HLA-DQA1: variants seen among roughly 807,000 people sequenced by gnomAD.
HLA-DQA1 encodes the protein HLA class II histocompatibility antigen, DQ alpha 1 chain.
HLA-DQA1 carries 10 observed loss-of-function variants against 20.7 expected under a neutral mutation model. That is an observed-to-expected ratio of 0.48 (90% CI 0.30 to 0.82). HLA-DQA1 has a LOEUF of 0.82. Ranked by LOEUF, HLA-DQA1 falls within the 40% of genes least tolerant of loss-of-function variation. HLA-DQA1 has a pLI of 0.07. For synonymous variants in HLA-DQA1, 39 were observed against 109.2 expected, an observed-to-expected ratio of 0.36 and a Z score of 4.01; for missense variants, 127 against 293.0, an observed-to-expected ratio of 0.43 and a Z score of 4.14.
Position 32,641,588 on chromosome 6 carries a change from C to T in HLA-DQA1, c.331+30C>T, listed in dbSNP as rs769772919. 5 of 934,964 alleles carry T rather than the reference C, an allele frequency of 5.3e-6. 2 individuals are homozygous for T. Among genetic ancestry groups the T allele is most frequent in the Non-Finnish European group, 7.4e-6 (5 of 673,854 alleles). 57.9% of individuals were successfully genotyped at this position (934,964 alleles called of 1,614,324 possible). A position where few individuals can be genotyped will look rare whatever the true frequency, so the allele number is the denominator to read the frequency against. ...GCGTCCACCATTCTGCCTCTCTTTA[C>T]TTAAGTTATCCCTCCATACCAGGGT... On this transcript the variant is annotated intron_variant, in intron 2 of 4. Transcript: ENST00000343139.
In HLA-DQA1 at chr6:32,642,172, A is replaced by G. The variant is rs757353300; in HGVS notation, c.532A>G (p.Thr178Ala). Residue 178 changes from threonine to alanine, a missense_variant, in exon 3 of 5, where the codon ACC becomes GCC. Physicochemically the swap from Thr to Ala is moderately conservative, Grantham distance 58 (BLOSUM62 0). This residue lies in a region of HLA-DQA1 where 46 missense variants were observed against 152.1 expected (regional missense o/e 0.30). Coordinates refer to ENST00000343139, the MANE Select transcript of HLA-DQA1 (RefSeq NM_002122.5). ...TTCCTTCTTCAAGATCAGTTACCTCACCTTCCTCCCTTCTGCTGATGAGAT... is the reference window on the plus strand; with the variant it reads ...TTCCTTCTTCAAGATCAGTTACCTCGCCTTCCTCCCTTCTGCTGATGAGAT... ...DHSFFKISYL[T>A]FLPSADEIYD... 1.4e-6 allele frequency: 2 copies of G among 1,438,064 alleles called. No individual in the cohort carries two copies. The highest frequency in any genetic ancestry group is 3.3e-5 in the African/African-American group (2 of 60,252). The allele number at this position is 1,438,064 out of a possible 1,614,324, so 89.1% of individuals were successfully genotyped here. A position where few individuals can be genotyped will look rare whatever the true frequency, so the allele number is the denominator to read the frequency against.
the HLA-DQA1 span, among the ~76,000 whole-genome samples, chr6:32,654,647 T>C: frequency 1.0e-5 from 1 of 97,406 alleles, no homozygotes; most frequent in African/African-American, 3.5e-5. Flanking sequence ...CATTTTTTTC[T>C]ATGTATTTTC....
At chr6:32,650,888 T>TA (rs1782154488), downstream of HLA-DQA1, among the ~76,000 whole-genome samples, 1 of 37,540 alleles carries the variant, frequency 2.7e-5, no homozygotes, top group African/African-American at 8.2e-5. Flanking sequence ...ATAATAATAA[T>TA]AAAGAATTCT....
rs910483542 is a variant in HLA-DQA1, at chr6:32,643,224, T to A, written c.*293T>A. The A allele has an allele frequency of 1.2e-5, 4 of 344,730 alleles. No individual in the cohort carries two copies. Among genetic ancestry groups the A allele is most frequent in the Non-Finnish European group, 2.3e-5 (4 of 175,034 alleles). 21.4% of individuals were successfully genotyped at this position (344,730 alleles called of 1,614,324 possible). A position where few individuals can be genotyped will look rare whatever the true frequency, so the allele number is the denominator to read the frequency against. The stretch of plus-strand genomic sequence containing the variant: ...ACCTAATTCCTCAGTAACCTCCATC[T>A]AAAATCTCCAAGGAAGCAATAAATT... On this transcript the variant is annotated 3_prime_UTR_variant, in exon 5 of 5. Coordinates refer to ENST00000343139, the MANE Select transcript of HLA-DQA1 (RefSeq NM_002122.5).
chr6:32,651,319 C>A, downstream of HLA-DQA1, among the ~76,000 whole-genome samples: 1 of 73,438 alleles, frequency 1.4e-5, no homozygotes, highest in African/African-American at 4.7e-5. Flanking sequence ...GCGTGGTGGC[C>A]CAAGCCTGTA....
chr6:32,640,535 C>T lies in HLA-DQA1; in HGVS notation c.83-775C>T, dbSNP rs1376179975. On this transcript the variant is annotated intron_variant, in intron 1 of 4. Coordinates refer to ENST00000343139, the MANE Select transcript of HLA-DQA1 (RefSeq NM_002122.5). ...AAGTGTTGAGTCAGAATGCTGTAGA[C>T]ATTTAGTAATCTCCTTCACAGGAAA... Among the ~76,000 whole-genome samples the T allele has an allele frequency of 8.4e-5, 5 of 59,488 alleles. 2 individuals carry two copies. Among genetic ancestry groups the T allele is most frequent in the African/African-American group, 2.9e-4 (5 of 17,298 alleles). The allele number at this position is 59,488 out of a possible 152,430, so 39.0% of individuals were successfully genotyped here. A position where few individuals can be genotyped will look rare whatever the true frequency, so the allele number is the denominator to read the frequency against.
At chr6:32,654,034 T>C in the HLA-DQA1 span, among the ~76,000 whole-genome samples, 2 of 106,900 alleles carry the variant, frequency 1.9e-5, 1 homozygote, top group Non-Finnish European at 4.1e-5. Context: ...AAGGGCAGGT[T>C]GTGGTGGCTC....
the HLA-DQA1 span, among the ~76,000 whole-genome samples, chr6:32,652,884 T>G: frequency 0.56 from 81,977 of 145,998 alleles, 24,027 homozygotes; most frequent in Middle Eastern, 0.69. Context: ...TTAGAAACTG[T>G]ATTATTATTC....
At chr6:32,645,925 CCA>C (rs67297805), downstream of HLA-DQA1, 208 of 75,484 alleles carry the variant, frequency 2.8e-3, no homozygotes, top group Non-Finnish European at 2.9e-3. Context: ...GGCATAATGA[CCA>C]GAGTCATGCA....
chr6:32,638,260 T>C, intron 1 of HLA-DQA1, among the ~76,000 whole-genome samples: 1 of 116,094 alleles, frequency 8.6e-6, no homozygotes, highest in Admixed American at 9.9e-5. Context: ...TTTAGCAAAA[T>C]AAGGGATCAT....
downstream of HLA-DQA1, chr6:32,645,410 G>C (rs1254434093): frequency 6.9e-6 from 1 of 145,074 alleles, no homozygotes; most frequent in Non-Finnish European, 1.5e-5. Context: ...ATTCTCATAA[G>C]GAACATGCAA....
chr6:32,653,301 A>T, the HLA-DQA1 span, among the ~76,000 whole-genome samples: 1 of 64,838 alleles, frequency 1.5e-5, no homozygotes, highest in East Asian at 4.8e-4. Flanking sequence ...ACAGAGTCTC[A>T]CTCTGTCACC....
intron 2 of HLA-DQA1, 85 bp from the exon 3 acceptor site, chr6:32,641,887 G>A: frequency 1.1e-6 from 1 of 879,990 alleles, no homozygotes; most frequent in Non-Finnish European, 1.7e-6. Context: ...GTGAAATGCT[G>A]GTAGGAGGGC....
downstream of HLA-DQA1, among the ~76,000 whole-genome samples, chr6:32,649,231 C>T (rs1419970807): frequency 1.0e-5 from 1 of 96,788 alleles, no homozygotes; most frequent in Non-Finnish European, 2.3e-5. Flanking sequence ...GGATTCAATG[C>T]TATCCCCATC....
chr6:32,637,812 A>G, intron 1 of HLA-DQA1, among the ~76,000 whole-genome samples: 1 of 118,058 alleles, frequency 8.5e-6, no homozygotes, highest in Non-Finnish European at 1.8e-5. Context: ...TTCCATCATG[A>G]TTGCCTCAAA....
At chr6:32,654,891 G>A in the HLA-DQA1 span, among the ~76,000 whole-genome samples, 9 of 94,286 alleles carry the variant, frequency 9.5e-5, 3 homozygotes, top group Non-Finnish European at 2.1e-4. Context: ...AAATTATCTG[G>A]GCATGGTAGT....
At chr6:32,654,286 G>A in the HLA-DQA1 span, among the ~76,000 whole-genome samples, 30,209 of 63,186 alleles carry the variant, frequency 0.48, 10,175 homozygotes, top group Middle Eastern at 0.55. Context: ...CCAGAACTAG[G>A]CCCTGTCTCA....
chr6:32,641,111 G>GCGT (rs1781363027), intron 1 of HLA-DQA1, among the ~76,000 whole-genome samples, 199 bp from the exon 2 acceptor site: 1 of 80,828 alleles, frequency 1.2e-5, no homozygotes, highest in Admixed American at 1.6e-4. Context: ...GCGCACACTA[G>GCGT]AGTGGGAAAG....
At chr6:32,652,525 A>C in the HLA-DQA1 span, among the ~76,000 whole-genome samples, 118 of 151,894 alleles carry the variant, frequency 7.8e-4, no homozygotes, top group Non-Finnish European at 1.3e-3. Flanking sequence ...TTCCTTGGCA[A>C]GCAAAGAATG....
Sources: allele counts gnomAD v4.1 joint callset (sites outside exome capture counted in the v4.1 genomes callset), GRCh38; gene constraint gnomAD v4.1.1; regional missense constraint gnomAD v4.1.1; transcripts MANE v1.5; gene names NCBI Gene and HGNC (gene_info 2026-07-23, HGNC 2026-07-21).